Variants in RBMS3 observed in about 807,000 individuals in gnomAD.
RBMS3 encodes RNA-binding motif, single-stranded-interacting protein 3.
Under a neutral mutation model 66.8 loss-of-function variants are expected in RBMS3, and 27 were observed. That is an observed-to-expected ratio of 0.40 (90% CI 0.30 to 0.56). The LOEUF (loss-of-function observed/expected upper bound fraction) is 0.56, where lower values mean the gene tolerates loss of function less well. Among genes scored for constraint, RBMS3 ranks in the 20% least tolerant of loss-of-function variants. The pLI, the probability that RBMS3 is intolerant of heterozygous loss-of-function variation, is 0.40. For missense variants in RBMS3, 513 were observed against 549.5 expected, an observed-to-expected ratio of 0.93 and a Z score of 0.66; for synonymous variants, 188 against 183.0, an observed-to-expected ratio of 1.03 and a Z score of -0.22.
intron 4 of RBMS3, among the ~76,000 whole-genome samples, chr3:29,662,051 T>G (rs2050573811): frequency 2.0e-5 from 3 of 152,238 alleles, no homozygotes; most frequent in African/African-American, 4.8e-5. Context: ...GTCAGCTGAA[T>G]GATCTATGCA....
intron 1 of RBMS3, among the ~76,000 whole-genome samples, chr3:29,403,686 A>G (rs941389074): frequency 3.3e-5 from 5 of 152,132 alleles, no homozygotes; most frequent in African/African-American, 1.2e-4. Context: ...AGTTGGAGAA[A>G]AAAAACAATA....
At chr3:29,881,647 G>T (rs1207675486) in intron 7 of RBMS3, among the ~76,000 whole-genome samples, 1 of 152,070 alleles carries the variant, frequency 6.6e-6, no homozygotes, top group African/African-American at 2.4e-5. Flanking sequence ...GGTCAACATA[G>T]ATTTTTTCCT....
chr3:29,709,222 C>G (rs1162305609), intron 4 of RBMS3, among the ~76,000 whole-genome samples: 1 of 152,160 alleles, frequency 6.6e-6, no homozygotes, highest in Non-Finnish European at 1.5e-5. Context: ...AACGAGTAAT[C>G]AGTCCCACTT....
intron 12 of RBMS3, among the ~76,000 whole-genome samples, chr3:29,960,374 G>C (rs987122882): frequency 6.6e-6 from 1 of 152,170 alleles, no homozygotes; most frequent in Admixed American, 6.5e-5. Context: ...CTGTGGCTTT[G>C]CAGGGAACAG....
At chr3:29,374,802 C>G (rs748890105) in intron 1 of RBMS3, among the ~76,000 whole-genome samples, 1 of 152,218 alleles carries the variant, frequency 6.6e-6, no homozygotes, top group Non-Finnish European at 1.5e-5. Flanking sequence ...ACTCAAAACT[C>G]ATCACGTCAT....
At position 29,666,679 on chromosome 3, in the gene RBMS3, T is replaced by C. The variant is rs146070214; in HGVS notation, c.400-73041T>C. Among the ~76,000 whole-genome samples, 378 of 152,312 alleles carry C rather than the reference T, an allele frequency of 2.5e-3. 2 individuals are homozygous for C. Among genetic ancestry groups the C allele is most frequent in the African/African-American group, 8.0e-3 (334 of 41,578 alleles). On this transcript the variant is annotated intron_variant, in intron 4 of 14. Transcript: ENST00000383767. ...CCATTCTATTAAGTTAATATTAATA[T>C]AATTGAAAGCAGTATCATTTGCATC... is the stretch of plus-strand genomic sequence containing the variant.
chr3:29,379,979 A>C (rs1367850293), intron 1 of RBMS3, among the ~76,000 whole-genome samples: 1 of 152,150 alleles, frequency 6.6e-6, no homozygotes, highest in Non-Finnish European at 1.5e-5. Context: ...TTCAACTGAA[A>C]CCTGAAGAAA....
At chr3:29,988,922 A>C (rs894896637) in intron 13 of RBMS3, among the ~76,000 whole-genome samples, 2 of 152,242 alleles carry the variant, frequency 1.3e-5, no homozygotes, top group African/African-American at 4.8e-5. Context: ...ACTGGTTCTC[A>C]AATTTTCTGC....
At chr3:29,329,261 TA>T (rs1302966777) in intron 1 of RBMS3, among the ~76,000 whole-genome samples, 1 of 152,178 alleles carries the variant, frequency 6.6e-6, no homozygotes, top group Non-Finnish European at 1.5e-5. Context: ...TCCATACTTT[TA>T]TAACCCATTT....
chr3:29,362,930 T>A (rs1484256141), intron 1 of RBMS3, among the ~76,000 whole-genome samples: 1 of 152,262 alleles, frequency 6.6e-6, no homozygotes, highest in Non-Finnish European at 1.5e-5. Context: ...TATCTATCTA[T>A]GATCTTGCTT....
chr3:29,359,499 A>C (rs1010704739), intron 1 of RBMS3, among the ~76,000 whole-genome samples: 1 of 152,150 alleles, frequency 6.6e-6, no homozygotes, highest in Non-Finnish European at 1.5e-5. Flanking sequence ...GTATTGGTCT[A>C]AAATTCTCTT....
chr3:29,558,897 C>T (rs1362365977), intron 3 of RBMS3, among the ~76,000 whole-genome samples: 7 of 152,026 alleles, frequency 4.6e-5, no homozygotes, highest in East Asian at 1.9e-4. Flanking sequence ...CAAAAATTTG[C>T]GAGGGAATAG....
intron 6 of RBMS3, among the ~76,000 whole-genome samples, chr3:29,783,082 T>G (rs2056694927): frequency 1.3e-5 from 2 of 152,178 alleles, no homozygotes; most frequent in African/African-American, 2.4e-5. Context: ...ATAATTGGCG[T>G]TCCTGAGGAA....
chr3:29,300,169 C>G (rs116914791), intron 1 of RBMS3, among the ~76,000 whole-genome samples: 3,114 of 151,906 alleles, frequency 0.02, 38 homozygotes, highest in South Asian at 0.055. Context: ...CCAGAGTAGA[C>G]GGAGATGTTG....
At chr3:29,359,043 T>C (rs567680027) in intron 1 of RBMS3, among the ~76,000 whole-genome samples, 14 of 152,298 alleles carry the variant, frequency 9.2e-5, no homozygotes, top group African/African-American at 3.4e-4. Context: ...TTTCTTTCTT[T>C]CTCCTGCCTA....
chr3:29,331,815 C>CTT (rs11354452), intron 1 of RBMS3, among the ~76,000 whole-genome samples: 786 of 69,630 alleles, frequency 0.011, 7 homozygotes, highest in African/African-American at 0.033. Flanking sequence ...AGGATAGCTC[C>CTT]TTTTTTTTTT....
At chr3:29,296,950 C>T (rs1575489953) in intron 1 of RBMS3, among the ~76,000 whole-genome samples, 1 of 150,956 alleles carries the variant, frequency 6.6e-6, no homozygotes, top group Non-Finnish European at 1.5e-5. Flanking sequence ...CATTTTTTAA[C>T]CCACACTTAA....
chr3:29,942,136 T>C (rs1231036345), intron 11 of RBMS3, among the ~76,000 whole-genome samples: 1 of 151,874 alleles, frequency 6.6e-6, no homozygotes, highest in Non-Finnish European at 1.5e-5. Flanking sequence ...AAATATGCCA[T>C]AATCCATCCA....
At chr3:29,317,640 A>G (rs1015220680) in intron 1 of RBMS3, among the ~76,000 whole-genome samples, 3 of 151,898 alleles carry the variant, frequency 2.0e-5, no homozygotes, top group African/African-American at 7.2e-5. Flanking sequence ...TAATTTAAAA[A>G]TTAAAAAATG....
Sources: gnomAD v4.1 joint callset for allele counts (sites outside exome capture counted in the v4.1 genomes callset) on GRCh38, gnomAD v4.1.1 for gene constraint, MANE v1.5 for transcripts, NCBI Gene and HGNC (gene_info 2026-07-23, HGNC 2026-07-21) for gene names.